DIS3L2: variants seen among roughly 807,000 people sequenced by gnomAD.
DIS3L2 encodes the protein DIS3 like 3'-5' exoribonuclease 2, also known as DIS3-like exonuclease 2.
In DIS3L2, 34 loss-of-function variants were observed where a neutral mutation model predicts 97.5. That is an observed-to-expected ratio of 0.35 (90% CI 0.27 to 0.46). The LOEUF (loss-of-function observed/expected upper bound fraction) is 0.46, where lower values mean the gene tolerates loss of function less well. DIS3L2 is among the 20% of genes least tolerant of loss of function. DIS3L2 has a pLI of 1.00. For missense variants in DIS3L2, 1,038 were observed against 1,146.0 expected (o/e 0.91, Z 1.36); for synonymous variants, 435 against 445.2 (o/e 0.98, Z 0.29).
intron 10 of DIS3L2, among the ~76,000 whole-genome samples, chr2:232,228,054 G>A (rs1243142434): frequency 1.3e-5 from 2 of 152,054 alleles, no homozygotes; most frequent in African/African-American, 2.4e-5. Flanking sequence ...GGCAACCTCC[G>A]CCTCCCGGTT....
chr2:232,011,841 G>A (rs1029516749), intron 1 of DIS3L2, among the ~76,000 whole-genome samples: 5 of 151,210 alleles, frequency 3.3e-5, no homozygotes, highest in African/African-American at 1.2e-4. Flanking sequence ...AGTAGACACC[G>A]GGTTTCGCCA....
At chr2:232,188,198 A>G (rs1162429814) in intron 9 of DIS3L2, among the ~76,000 whole-genome samples, 1 of 152,238 alleles carries the variant, frequency 6.6e-6, no homozygotes, top group African/African-American at 2.4e-5. Flanking sequence ...ATGTATAAAC[A>G]AAGTGTTTCC....
At chr2:232,108,385 G>A (rs527777671) in intron 6 of DIS3L2, among the ~76,000 whole-genome samples, 11 of 152,250 alleles carry the variant, frequency 7.2e-5, no homozygotes, top group African/African-American at 2.6e-4. Flanking sequence ...TCAAAATAAT[G>A]AGAGCTATTT....
chr2:232,157,913 G>A (rs750955746), intron 8 of DIS3L2, among the ~76,000 whole-genome samples: 11 of 152,178 alleles, frequency 7.2e-5, no homozygotes, highest in Non-Finnish European at 1.3e-4. Context: ...CTCCACAGTG[G>A]GAGCCTTTCA....
In DIS3L2 at chr2:232,325,911, G is replaced by A. The variant is rs1695558570; in HGVS notation, c.1740-3902G>A. The stretch of plus-strand genomic sequence containing the variant: ...GTATGAGGCCAGGGCAGGGGGCAGG[G>A]CGCCCTCCCGTCCAGCAGCCCCAGT... On this transcript the variant is annotated intron_variant, in intron 14 of 20. Transcript: ENST00000325385. The surrounding 1 kb of genome is among the most constrained non-coding windows in gnomAD (Gnocchi z 4.6). Among the ~76,000 whole-genome samples the A allele has an allele frequency of 6.6e-6, 1 of 152,206 alleles. No individual in the cohort carries two copies. The highest frequency in any genetic ancestry group is 1.5e-5 in the Non-Finnish European group (1 of 68,020).
intron 5 of DIS3L2, among the ~76,000 whole-genome samples, chr2:232,051,919 A>G (rs1695419329): frequency 6.6e-6 from 1 of 151,846 alleles, no homozygotes; most frequent in African/African-American, 2.4e-5. Context: ...GGAGCTGGAT[A>G]ATTCTCCCCC....
At chr2:232,341,537 A>G (rs1017796311), downstream of DIS3L2, among the ~76,000 whole-genome samples, 6 of 152,354 alleles carry the variant, frequency 3.9e-5, no homozygotes, top group East Asian at 3.9e-4. Context: ...CACAGTCATC[A>G]CCATAGAAAT....
chr2:232,203,049 A>G (rs947316127), intron 9 of DIS3L2, among the ~76,000 whole-genome samples: 22 of 152,204 alleles, frequency 1.4e-4, no homozygotes, highest in African/African-American at 5.1e-4. Flanking sequence ...TTGGGAACAC[A>G]TCCCTGTGGG....
intron 10 of DIS3L2, among the ~76,000 whole-genome samples, chr2:232,228,773 T>A (rs1397807814): frequency 6.6e-6 from 1 of 152,156 alleles, no homozygotes; most frequent in Non-Finnish European, 1.5e-5. Flanking sequence ...CCAAGACTCT[T>A]TACCAAGTAA....
intron 6 of DIS3L2, among the ~76,000 whole-genome samples, chr2:232,117,471 G>T (rs180917055): frequency 6.6e-6 from 1 of 152,184 alleles, no homozygotes; most frequent in South Asian, 2.1e-4. Flanking sequence ...AGAGTAAAGC[G>T]TAGCATTTTG....
At chr2:232,330,552 C>A (rs1172154440) in intron 15 of DIS3L2, 138 bp from the exon 16 acceptor site, 20 of 845,250 alleles carry the variant, frequency 2.4e-5, no homozygotes, top group Non-Finnish European at 3.5e-5. Flanking sequence ...CCCCACCCAT[C>A]CCCTCTGAGC....
intron 5 of DIS3L2, among the ~76,000 whole-genome samples, chr2:232,084,537 A>G (rs1235864718): frequency 1.3e-5 from 2 of 152,106 alleles, no homozygotes; most frequent in Non-Finnish European, 2.9e-5. Flanking sequence ...CTGTAGCTTC[A>G]CTCACATGAG....
intron 16 of DIS3L2, 59 bp from the exon 17 acceptor site, chr2:232,333,781 T>G: frequency 6.7e-7 from 1 of 1,495,724 alleles, no homozygotes; most frequent in Non-Finnish European, 8.9e-7. Flanking sequence ...GGTGCCAGCC[T>G]TCCAGGCCTG....
chr2:232,078,041 C>CT (rs556394118), intron 5 of DIS3L2, among the ~76,000 whole-genome samples: 9,939 of 76,352 alleles, frequency 0.13, 1,379 homozygotes, highest in African/African-American at 0.36. Context: ...CTTTCTCTTT[C>CT]TTTTTTTTTT....
chr2:232,013,272 A>C (rs1490760978), intron 1 of DIS3L2, among the ~76,000 whole-genome samples: 2 of 152,196 alleles, frequency 1.3e-5, no homozygotes, highest in Non-Finnish European at 2.9e-5. Context: ...GTCCTGTACC[A>C]GGTTAATTTT....
At chr2:232,246,209 G>A (rs75099815) in intron 11 of DIS3L2, among the ~76,000 whole-genome samples, 2,965 of 152,314 alleles carry the variant, frequency 0.019, 100 homozygotes, top group African/African-American at 0.068. Context: ...AACAGGGGAG[G>A]TGTGTAAAAC....
chr2:231,962,274 GT>G (rs35388218), intron 1 of DIS3L2, among the ~76,000 whole-genome samples: 54 of 148,814 alleles, frequency 3.6e-4, no homozygotes, highest in East Asian at 2.6e-3. Context: ...ATCATAGAGA[GT>G]TTTTTTTTTT....
intron 6 of DIS3L2, among the ~76,000 whole-genome samples, chr2:232,116,672 A>G (rs73095626): frequency 0.012 from 1,788 of 152,284 alleles, 36 homozygotes; most frequent in African/African-American, 0.04. Flanking sequence ...TTGGCTAAAA[A>G]CTGGGTCGTG....
chr2:232,101,424 A>G (rs929432995), intron 6 of DIS3L2, among the ~76,000 whole-genome samples: 5 of 152,140 alleles, frequency 3.3e-5, no homozygotes, highest in African/African-American at 1.2e-4. Context: ...GCATATCCAT[A>G]TATGTGGATA....
Sources: allele counts gnomAD v4.1 joint callset (sites outside exome capture counted in the v4.1 genomes callset), GRCh38; gene constraint gnomAD v4.1.1; non-coding constraint Gnocchi (gnomAD v3.1); transcripts MANE v1.5; gene names NCBI Gene and HGNC (gene_info 2026-07-23, HGNC 2026-07-21).